Variants in NLGN1 observed in about 807,000 individuals in gnomAD.
The protein encoded by NLGN1 is neuroligin 1.
NLGN1 carries 12 observed loss-of-function variants against 65.5 expected under a neutral mutation model. That is an observed-to-expected ratio of 0.18 (90% CI 0.12 to 0.30). The LOEUF (loss-of-function observed/expected upper bound fraction) is 0.30, where lower values mean the gene tolerates loss of function less well. Ranked by LOEUF, NLGN1 falls within the 10% of genes least tolerant of loss-of-function variation. The pLI is 1.00. For missense variants in NLGN1, 750 were observed against 1,007.1 expected (o/e 0.74, Z 3.46); for synonymous variants, 350 against 359.5 (o/e 0.97, Z 0.30).
intron 2 of NLGN1, among the ~76,000 whole-genome samples, chr3:173,460,902 G>A (rs9854543): frequency 0.013 from 2,023 of 152,110 alleles, 50 homozygotes; most frequent in African/African-American, 0.046. Context: ...ATGCTCTCTC[G>A]CCAGCCCTAA....
At chr3:173,732,960 A>G (rs1773099362) in intron 3 of NLGN1, among the ~76,000 whole-genome samples, 1 of 152,150 alleles carries the variant, frequency 6.6e-6, no homozygotes. Context: ...TTGGTGATGA[A>G]CCACAGAAAT....
At chr3:173,599,019 T>A (rs1221082450) in intron 2 of NLGN1, among the ~76,000 whole-genome samples, 1 of 152,172 alleles carries the variant, frequency 6.6e-6, no homozygotes, top group African/African-American at 2.4e-5. Flanking sequence ...TGCTGTGGGA[T>A]CCCTTCTGTG....
chr3:173,586,660 A>C (rs1194391405), intron 2 of NLGN1, among the ~76,000 whole-genome samples: 3 of 152,228 alleles, frequency 2.0e-5, no homozygotes, highest in Non-Finnish European at 4.4e-5. Context: ...AATAACAATA[A>C]ATAGTTTCTA....
At chr3:174,270,125 CTTT>C (rs10547985) in intron 4 of NLGN1, among the ~76,000 whole-genome samples, 26,345 of 120,078 alleles carry the variant, frequency 0.22, 2,445 homozygotes, top group Middle Eastern at 0.28. Context: ...GGTTTCCTTT[CTTT>C]TTTTTTTTTT....
At chr3:173,625,128 A>T (rs1426839531) in intron 3 of NLGN1, among the ~76,000 whole-genome samples, 1 of 152,158 alleles carries the variant, frequency 6.6e-6, no homozygotes, top group African/African-American at 2.4e-5. Context: ...AGTTTGAGTC[A>T]TCAAGGAACT....
At chr3:173,901,745 C>T (rs750009709) in intron 4 of NLGN1, among the ~76,000 whole-genome samples, 1 of 151,902 alleles carries the variant, frequency 6.6e-6, no homozygotes, top group South Asian at 2.1e-4. Context: ...ATTTCTTTTT[C>T]GAGAACAGGC....
At chr3:173,818,004 C>T (rs914014649) in intron 4 of NLGN1, among the ~76,000 whole-genome samples, 5 of 152,130 alleles carry the variant, frequency 3.3e-5, no homozygotes, top group African/African-American at 1.2e-4. Flanking sequence ...CAACCATTTC[C>T]AGGTATTGAT....
At chr3:174,142,050 A>G (rs1467722607) in intron 4 of NLGN1, among the ~76,000 whole-genome samples, 2 of 152,156 alleles carry the variant, frequency 1.3e-5, no homozygotes, top group Non-Finnish European at 2.9e-5. Flanking sequence ...CCTCACCTCT[A>G]GAAGTTGCCA....
intron 4 of NLGN1, among the ~76,000 whole-genome samples, chr3:173,958,382 G>A (rs1712656233): frequency 6.6e-6 from 1 of 152,170 alleles, no homozygotes; most frequent in Admixed American, 6.5e-5. Context: ...TCCACTGGCA[G>A]GGTATCCTGA....
intron 1 of NLGN1, among the ~76,000 whole-genome samples, chr3:173,425,844 GA>G (rs372888286): frequency 6.6e-6 from 1 of 152,048 alleles, no homozygotes; most frequent in Non-Finnish European, 1.5e-5. Flanking sequence ...CAAATTTTAA[GA>G]AATTTTTTTC....
intron 4 of NLGN1, among the ~76,000 whole-genome samples, chr3:173,964,788 A>T (rs1237196847): frequency 5.9e-5 from 9 of 152,206 alleles, no homozygotes; most frequent in Non-Finnish European, 1.3e-4. Flanking sequence ...CTAAGTAACT[A>T]TCATATTTTT....
chr3:173,692,280 G>A (rs1489837551), intron 3 of NLGN1, among the ~76,000 whole-genome samples: 4 of 152,164 alleles, frequency 2.6e-5, no homozygotes, highest in Middle Eastern at 3.4e-3. Context: ...TGTAGTCACC[G>A]TCTCCTCAGA....
intron 4 of NLGN1, among the ~76,000 whole-genome samples, chr3:173,877,039 A>G (rs1305015286): frequency 2.6e-5 from 4 of 152,136 alleles, no homozygotes; most frequent in Non-Finnish European, 5.9e-5. Context: ...CCTAGTCCCC[A>G]AGTATCTCGC....
At chr3:173,666,522 A>T (rs112607037) in intron 3 of NLGN1, among the ~76,000 whole-genome samples, 510 of 152,244 alleles carry the variant, frequency 3.3e-3, no homozygotes, top group African/African-American at 0.012. Flanking sequence ...AATTGTGTTG[A>T]TACAGTCTTG....
chr3:173,739,969 A>ACAGTT (rs1774380605), intron 3 of NLGN1, among the ~76,000 whole-genome samples: 1 of 152,096 alleles, frequency 6.6e-6, no homozygotes, highest in East Asian at 1.9e-4. Context: ...AGTTTAAACT[A>ACAGTT]TATTGGGGAT....
At chr3:173,963,231 G>C (rs1440603068) in intron 4 of NLGN1, among the ~76,000 whole-genome samples, 1 of 152,046 alleles carries the variant, frequency 6.6e-6, no homozygotes, top group Admixed American at 6.6e-5. Flanking sequence ...TGGGCGCCAG[G>C]GGGTGTTGAG....
chr3:173,421,476 A>G (rs1030530041), intron 1 of NLGN1, among the ~76,000 whole-genome samples: 3 of 151,530 alleles, frequency 2.0e-5, no homozygotes, highest in Admixed American at 6.6e-5. Flanking sequence ...AACAAAGTCC[A>G]TTATAGAAAA....
intron 4 of NLGN1, among the ~76,000 whole-genome samples, chr3:174,015,257 A>G (rs1726320966): frequency 6.6e-6 from 1 of 152,198 alleles, no homozygotes; most frequent in Admixed American, 6.5e-5. Context: ...GGCTGCCATA[A>G]CAAAATACCA....
intron 2 of NLGN1, among the ~76,000 whole-genome samples, chr3:173,489,979 A>C (rs1348389007): frequency 6.6e-6 from 1 of 151,994 alleles, no homozygotes; most frequent in African/African-American, 2.4e-5. Context: ...TAGATTGTGG[A>C]TATTAGCCCG....
Sources: allele counts gnomAD v4.1 joint callset (sites outside exome capture counted in the v4.1 genomes callset), GRCh38; gene constraint gnomAD v4.1.1; transcripts MANE v1.5; gene names NCBI Gene and HGNC (gene_info 2026-07-23, HGNC 2026-07-21).